The following SLC24A2 variants were observed in gnomAD, a reference collection of about 807,000 sequenced individuals.
The protein encoded by SLC24A2 is sodium/potassium/calcium exchanger 2.
A neutral mutation model predicts 62.0 loss-of-function variants in SLC24A2; 36 were observed. The ratio of observed to expected loss-of-function variants is 0.58; its 90% CI spans 0.44 to 0.77. The LOEUF is 0.77. SLC24A2 is among the 30% of genes least tolerant of loss of function. SLC24A2 has a pLI of 0.00. For synonymous variants in SLC24A2, 358 were observed against 294.0 expected (o/e 1.22, Z -2.23); for missense variants, 846 against 817.9 (o/e 1.03, Z -0.42).
chr9:20,167,887 G>A, the SLC24A2 span, among the ~76,000 whole-genome samples: 1 of 143,466 alleles, frequency 7.0e-6, no homozygotes, highest in Non-Finnish European at 1.5e-5. Flanking sequence ...GCCCAGCCCT[G>A]TTTTTTTTTT....
intron 8 of SLC24A2, among the ~76,000 whole-genome samples, chr9:19,532,660 C>G (rs570426538): frequency 6.6e-6 from 1 of 152,306 alleles, no homozygotes; most frequent in South Asian, 2.1e-4. Context: ...GGCCCAGAGT[C>G]TTGGCTTTGC....
the SLC24A2 span, among the ~76,000 whole-genome samples, chr9:20,013,952 T>A: frequency 1.1e-4 from 17 of 152,188 alleles, 1 homozygote; most frequent in Non-Finnish European, 1.0e-4. Context: ...TTCATGCCTG[T>A]TATCCTAGCA....
chr9:19,882,593 C>T, the SLC24A2 span, among the ~76,000 whole-genome samples: 4 of 151,550 alleles, frequency 2.6e-5, no homozygotes, highest in South Asian at 2.1e-4. Context: ...AAATGTTCAG[C>T]GCTGCCACTG....
chr9:19,842,539 C>G, the SLC24A2 span, among the ~76,000 whole-genome samples: 1 of 152,196 alleles, frequency 6.6e-6, no homozygotes, highest in African/African-American at 2.4e-5. Flanking sequence ...GGAATGGCTA[C>G]TCTCACAATT....
At chr9:19,779,979 G>A (rs900899895) in intron 2 of SLC24A2, among the ~76,000 whole-genome samples, 26 of 151,992 alleles carry the variant, frequency 1.7e-4, no homozygotes, top group Admixed American at 5.9e-4. Context: ...GGAGAATGGC[G>A]TGAACCCGGG....
At chr9:20,099,307 A>C in the SLC24A2 span, among the ~76,000 whole-genome samples, 6 of 152,330 alleles carry the variant, frequency 3.9e-5, no homozygotes, top group African/African-American at 1.4e-4. Context: ...TGACGATTAC[A>C]AATCATATAA....
chr9:19,660,453 C>A (rs944531350), intron 2 of SLC24A2, among the ~76,000 whole-genome samples: 2 of 152,088 alleles, frequency 1.3e-5, no homozygotes, highest in Admixed American at 1.3e-4. Context: ...TGTTTTCCAT[C>A]CAGATACTTC....
chr9:19,732,133 G>C (rs1042644684), intron 2 of SLC24A2, among the ~76,000 whole-genome samples: 1 of 152,014 alleles, frequency 6.6e-6, no homozygotes, highest in Non-Finnish European at 1.5e-5. Flanking sequence ...ACTCTTCCTG[G>C]TGAACTTTTA....
chr9:19,563,449 C>T (rs1351704537), intron 7 of SLC24A2, among the ~76,000 whole-genome samples: 1 of 152,110 alleles, frequency 6.6e-6, no homozygotes, highest in Non-Finnish European at 1.5e-5. Context: ...TAAACCTCAC[C>T]ACTGCTAAGC....
chr9:19,689,523 T>A (rs1043668572), intron 2 of SLC24A2, among the ~76,000 whole-genome samples: 1 of 152,158 alleles, frequency 6.6e-6, no homozygotes, highest in Non-Finnish European at 1.5e-5. Flanking sequence ...GGGAGTGTGA[T>A]AGATGACGTC....
chr9:20,226,831 C>T, the SLC24A2 span, among the ~76,000 whole-genome samples: 4 of 152,180 alleles, frequency 2.6e-5, no homozygotes, highest in African/African-American at 4.8e-5. Context: ...ATTACAACCC[C>T]TACGGGGAAA....
At chr9:19,605,558 G>A (rs1836960845) in intron 4 of SLC24A2, among the ~76,000 whole-genome samples, 1 of 152,110 alleles carries the variant, frequency 6.6e-6, no homozygotes, top group South Asian at 2.1e-4. Context: ...AGGTATACCA[G>A]GACCTGAAGA....
chr9:20,143,760 T>A, the SLC24A2 span, among the ~76,000 whole-genome samples: 12 of 152,218 alleles, frequency 7.9e-5, no homozygotes, highest in African/African-American at 2.2e-4. Flanking sequence ...AGTAAAATTA[T>A]TTCCAAATTG....
the SLC24A2 span, among the ~76,000 whole-genome samples, chr9:20,076,977 G>C: frequency 6.7e-6 from 1 of 149,376 alleles, no homozygotes; most frequent in Admixed American, 6.7e-5. Flanking sequence ...CTTAAAAAGG[G>C]GGTTCTACCA....
chr9:20,223,383 G>C, the SLC24A2 span, among the ~76,000 whole-genome samples: 1 of 152,202 alleles, frequency 6.6e-6, no homozygotes, highest in East Asian at 1.9e-4. Flanking sequence ...TCAACACTTT[G>C]GGAGGCCAAG....
At chr9:19,623,016 T>A (rs1817946911) in intron 2 of SLC24A2, among the ~76,000 whole-genome samples, 1 of 152,158 alleles carries the variant, frequency 6.6e-6, no homozygotes, top group African/African-American at 2.4e-5. Flanking sequence ...AAATGTGGAT[T>A]AGAACACAAG....
At chr9:19,895,546 C>CTTTCTT in the SLC24A2 span, among the ~76,000 whole-genome samples, 52,444 of 135,128 alleles carry the variant, frequency 0.39, 12,030 homozygotes, top group Non-Finnish European at 0.52. Flanking sequence ...TTCTTTCTTT[C>CTTTCTT]TTTTTTTTTT....
chr9:19,929,541 G>A, the SLC24A2 span: 1 of 152,112 alleles, frequency 6.6e-6, no homozygotes, highest in Non-Finnish European at 1.5e-5. Flanking sequence ...TCACTTGTTT[G>A]CCAGTTGTAA....
At chr9:19,867,143 G>A in the SLC24A2 span, among the ~76,000 whole-genome samples, 1 of 152,026 alleles carries the variant, frequency 6.6e-6, no homozygotes, top group South Asian at 2.1e-4. Flanking sequence ...TGACTATTAT[G>A]CATTGCATGC....
Sources: gnomAD v4.1 joint callset for allele counts (sites outside exome capture counted in the v4.1 genomes callset) on GRCh38, gnomAD v4.1.1 for gene constraint, MANE v1.5 for transcripts, NCBI Gene and HGNC (gene_info 2026-07-23, HGNC 2026-07-21) for gene names.